LYSMD2: variants seen among roughly 807,000 people sequenced by gnomAD.
LYSMD2 encodes the protein LysM domain containing 2.
In LYSMD2, 6 loss-of-function variants were observed where a neutral mutation model predicts 17.7. The observed-to-expected ratio is 0.34, with a 90% CI of 0.19 to 0.67. LYSMD2 has a LOEUF of 0.67. Among genes scored for constraint, LYSMD2 ranks in the 30% least tolerant of loss-of-function variants. The pLI, the probability that LYSMD2 is intolerant of heterozygous loss-of-function variation, is 0.69. For synonymous variants in LYSMD2, 102 were observed against 129.8 expected (o/e 0.79, Z 1.45); for missense variants, 237 against 286.7 (o/e 0.83, Z 1.25).
chr15:51,750,950 CAAGG>C (rs2055696606), intron 1 of LYSMD2, among the ~76,000 whole-genome samples: 1 of 152,234 alleles, frequency 6.6e-6, no homozygotes, highest in African/African-American at 2.4e-5. Context: ...TCGGAAACCC[CAAGG>C]AAGGAACTTT....
intron 1 of LYSMD2, among the ~76,000 whole-genome samples, chr15:51,734,174 C>T (rs567205080): frequency 1.3e-5 from 2 of 152,130 alleles, no homozygotes; most frequent in South Asian, 4.1e-4. Context: ...CAAAGTGAGC[C>T]TTTGTCTCAA....
chr15:51,737,451 C>A lies in LYSMD2; in HGVS notation c.172G>T (p.Val58Leu). The A allele has an allele frequency of 7.0e-7, 1 of 1,427,954 alleles. No homozygotes were observed. The highest frequency in any genetic ancestry group is 9.1e-7 in the Non-Finnish European group (1 of 1,094,008). 88.5% of individuals were successfully genotyped at this position (1,427,954 alleles called of 1,614,324 possible). ...KTRSYGSTAS[V>L]RAPLGAGVIE... Reference sequence around the variant, plus strand: ...ACGCCGGCGCCCAGCGGCGCCCGCACGCTGGCGGTGCTGCCGTACGAGCGG... The same window carrying A: ...ACGCCGGCGCCCAGCGGCGCCCGCAAGCTGGCGGTGCTGCCGTACGAGCGG... The change falls in exon 1 of 3, where the codon GTG becomes TTG. Residue 58 changes from valine (V) to leucine (L), a missense_variant. Physicochemically the swap from Val to Leu is conservative, Grantham distance 32. Coordinates refer to ENST00000267838, the MANE Select transcript of LYSMD2 (RefSeq NM_153374.3). The surrounding 1 kb of genome is among the most constrained non-coding windows in gnomAD (Gnocchi z 4.2).
At chr15:51,742,089 C>T (rs1348939385), upstream of LYSMD2, among the ~76,000 whole-genome samples, 2 of 151,690 alleles carry the variant, frequency 1.3e-5, no homozygotes, top group African/African-American at 4.8e-5. Context: ...GGCTGGAGTG[C>T]AATGGCACAA....
chr15:51,748,263 A>G (rs7173599), intron 1 of LYSMD2, among the ~76,000 whole-genome samples: 2 of 46,464 alleles, frequency 4.3e-5, no homozygotes, highest in Admixed American at 2.5e-4. Flanking sequence ...CTCCGTCTCA[A>G]AAAAAAAAAA....
chr15:51,725,099 T>C lies in LYSMD2; in HGVS notation c.296A>G (p.Asn99Ser). The change falls in exon 2 of 3, where the codon AAT becomes AGT. Residue 99 changes from asparagine to serine, a missense_variant. Physicochemically the swap from Asn to Ser is conservative, Grantham distance 46. Transcript: ENST00000267838. Reference sequence around the variant, plus strand: ...TATACAATCATTGGTAAACAGTTTATTGGCCCTTTTAATCTGTTCCATCTA... The same window carrying C: ...TATACAATCATTGGTAAACAGTTTACTGGCCCTTTTAATCTGTTCCATCTA... ...GVTMEQIKRA[N>S]KLFTNDCIFL... The C allele has an allele frequency of 1.2e-6, 2 of 1,605,792 alleles. No homozygotes were observed. Among genetic ancestry groups the C allele is most frequent in the Non-Finnish European group, 1.7e-6 (2 of 1,174,052 alleles).
At chr15:51,736,405 T>C (rs900214311) in intron 1 of LYSMD2, among the ~76,000 whole-genome samples, 3 of 152,200 alleles carry the variant, frequency 2.0e-5, no homozygotes, top group African/African-American at 7.2e-5. Context: ...ATTTCAAAGA[T>C]AGAAGGACCT....
At chr15:51,730,091 G>C (rs1316267261) in intron 1 of LYSMD2, among the ~76,000 whole-genome samples, 2 of 152,172 alleles carry the variant, frequency 1.3e-5, no homozygotes, top group African/African-American at 4.8e-5. Context: ...TGAATTTACT[G>C]TCTGGTCACT....
chr15:51,727,942 G>A (rs1462966062), intron 1 of LYSMD2, among the ~76,000 whole-genome samples: 8 of 152,172 alleles, frequency 5.3e-5, no homozygotes, highest in Non-Finnish European at 1.2e-4. Flanking sequence ...AAGGACAGGG[G>A]CAGATTTGAG....
At chr15:51,737,701 C>G (rs553242065), upstream of LYSMD2, 3,264 of 1,059,704 alleles carry the variant, frequency 3.1e-3, 10 homozygotes, top group South Asian at 6.7e-3. This position sits in a 1 kb window ranked among gnomAD's most constrained non-coding sequence, Gnocchi z 4.2. Flanking sequence ...GCCGCCGCCT[C>G]TTCCTCTTCA....
exon 1 of LYSMD2, chr15:51,751,398 C>T: frequency 1.4e-6 from 1 of 701,470 alleles, no homozygotes; most frequent in Non-Finnish European, 2.6e-6. Context: ...CCTGCCCAGG[C>T]TTCTCCCCGA....
At chr15:51,732,590 AATG>A (rs2055583584) in intron 1 of LYSMD2, among the ~76,000 whole-genome samples, 1 of 152,174 alleles carries the variant, frequency 6.6e-6, no homozygotes, top group Non-Finnish European at 1.5e-5. Context: ...AAAGAGTCAT[AATG>A]ATCTTTCCTA....
At chr15:51,751,367 G>A (rs2141606943) in exon 1 of LYSMD2, 1 of 702,400 alleles carries the variant, frequency 1.4e-6, no homozygotes, top group East Asian at 2.7e-5. Flanking sequence ...GCTCTCCGGA[G>A]CCCCGAGCGT....
rs1229083933 is a variant in LYSMD2 at position 51,737,581 on chromosome 15, G to T, written c.42C>A (p.Gly14=). 8 of 1,218,134 alleles carry T rather than the reference G, an allele frequency of 6.6e-6. No individual in the cohort carries two copies. The highest frequency in any genetic ancestry group is 6.7e-5 in the East Asian group (2 of 29,694). 75.5% of individuals were successfully genotyped at this position (1,218,134 alleles called of 1,614,324 possible). A position where few individuals can be genotyped will look rare whatever the true frequency, so the allele number is the denominator to read the frequency against. The change falls in exon 1 of 3, where the codon GGC becomes GGA. Residue 14 remains glycine (G), a synonymous_variant. Coordinates refer to ENST00000267838, the MANE Select transcript of LYSMD2 (RefSeq NM_153374.3). This position sits in a 1 kb window ranked among gnomAD's most constrained non-coding sequence, Gnocchi z 4.2. ...GGGCCGAGGGCCGCGGCGCGCGGGG[G>T]CCGCCTTCCCGCAGGGACAGTGCGG... ...SSPALSLREG[G]PRAPRPSAPS...
exon 1 of LYSMD2, chr15:51,751,429 C>T (rs1237035637): frequency 4.3e-6 from 3 of 691,044 alleles, no homozygotes; most frequent in East Asian, 5.4e-5. Context: ...TCCTCCCCTG[C>T]AGAGCTGTGG....
chr15:51,737,646 CG>C lies in LYSMD2; in HGVS notation c.-25del. 1 of 1,203,854 alleles carries C rather than the reference CG, an allele frequency of 8.3e-7. No individual in the cohort carries two copies. The allele number at this position is 1,203,854 out of a possible 1,614,324, so 74.6% of individuals were successfully genotyped here. On this transcript the variant is annotated 5_prime_UTR_variant, in exon 1 of 3. Coordinates refer to ENST00000267838, the MANE Select transcript of LYSMD2 (RefSeq NM_153374.3). The surrounding 1 kb of genome is among the most constrained non-coding windows in gnomAD (Gnocchi z 4.2). ...ATGGGTCCTGCCGAGGCCGCCGGGT[CG>C]GGGAGCTTGCCAAGGGGGCGGCGCC...
At chr15:51,751,360 C>A (rs758439058) in exon 1 of LYSMD2, 95 of 702,384 alleles carry the variant, frequency 1.4e-4, no homozygotes, top group Non-Finnish European at 2.3e-4. Flanking sequence ...CATCCACGCT[C>A]TCCGGAGCCC....
In LYSMD2 at chr15:51,749,675, T is replaced by C. The variant is rs541339311; in HGVS notation, c.-1+1596A>G. ...TGCTTTATTATTTTCAGCATATGCC[T>C]ACTATCAGCTTTCTCTGGGAAAACT... On this transcript the variant is annotated intron_variant, in intron 1 of 2. Coordinates refer to the LYSMD2 transcript ENST00000454181. Among the ~76,000 whole-genome samples the C allele has an allele frequency of 6.7e-4, 102 of 152,370 alleles. 5 individuals carry two copies. In the South Asian group the frequency reaches 0.02, roughly 31 times the overall value.
chr15:51,750,375 C>T (rs1313607725), intron 1 of LYSMD2, among the ~76,000 whole-genome samples: 4 of 152,236 alleles, frequency 2.6e-5, no homozygotes, highest in South Asian at 2.1e-4. Context: ...CTGCACACCT[C>T]GTGCCAGACA....
At chr15:51,730,656 G>A (rs1008385347) in intron 1 of LYSMD2, among the ~76,000 whole-genome samples, 4 of 152,176 alleles carry the variant, frequency 2.6e-5, no homozygotes, top group African/African-American at 9.7e-5. Flanking sequence ...AGCATCATCA[G>A]TCCACCTACC....
Sources: allele counts gnomAD v4.1 joint callset (sites outside exome capture counted in the v4.1 genomes callset), GRCh38; gene constraint gnomAD v4.1.1; non-coding constraint Gnocchi (gnomAD v3.1); transcripts MANE v1.5; gene names NCBI Gene and HGNC (gene_info 2026-07-23, HGNC 2026-07-21).